The following RBMS1 variants were observed in gnomAD, a reference collection of about 807,000 sequenced individuals.
RBMS1 encodes RNA-binding motif, single-stranded-interacting protein 1.
In RBMS1, 17 loss-of-function variants were observed where a neutral mutation model predicts 62.3. The ratio of observed to expected loss-of-function variants is 0.27; its 90% CI spans 0.19 to 0.41. RBMS1 has a LOEUF of 0.41. RBMS1 is among the 10% of genes least tolerant of loss of function. The pLI, the probability that RBMS1 is intolerant of heterozygous loss-of-function variation, is 1.00. For synonymous variants in RBMS1, 172 were observed against 170.0 expected (o/e 1.01, Z -0.09); for missense variants, 334 against 504.5 (o/e 0.66, Z 3.24).
At chr2:160,384,591 G>GGA (rs1359391551) in intron 1 of RBMS1, among the ~76,000 whole-genome samples, 5 of 152,172 alleles carry the variant, frequency 3.3e-5, no homozygotes, top group African/African-American at 1.2e-4. Context: ...TCCCACCATG[G>GGA]TCACTCACTA....
intron 1 of RBMS1, among the ~76,000 whole-genome samples, chr2:160,425,066 T>G (rs1052924392): frequency 1.3e-5 from 2 of 152,188 alleles, no homozygotes; most frequent in African/African-American, 4.8e-5. Flanking sequence ...AAAAAATGAC[T>G]GCTTCCCTTC....
At chr2:160,493,251 C>T in intron 1 of RBMS1, 38 bp downstream of exon 1, 1 of 1,597,086 alleles carries the variant, frequency 6.3e-7, no homozygotes, top group Non-Finnish European at 8.6e-7. Context: ...CCCCGGGCCC[C>T]CTCCTCCGGC....
At chr2:160,302,811 A>G (rs1051251575) in intron 5 of RBMS1, 1 of 151,562 alleles carries the variant, frequency 6.6e-6, no homozygotes, top group South Asian at 2.1e-4. Context: ...TTTCTCACAA[A>G]AAAAAAAAAA....
intron 2 of RBMS1, among the ~76,000 whole-genome samples, chr2:160,331,530 G>A (rs572685451): frequency 3.0e-4 from 46 of 152,214 alleles, no homozygotes; most frequent in African/African-American, 8.2e-4. Flanking sequence ...TTTCCTCCTC[G>A]TATATGAGGC....
chr2:160,370,255 A>G (rs1350809168), intron 1 of RBMS1, among the ~76,000 whole-genome samples: 1 of 152,270 alleles, frequency 6.6e-6, no homozygotes, highest in African/African-American at 2.4e-5. Flanking sequence ...GAAAACTGAA[A>G]GAGAGAAGCG....
At chr2:160,324,381 G>A (rs982031444) in intron 2 of RBMS1, among the ~76,000 whole-genome samples, 1 of 152,198 alleles carries the variant, frequency 6.6e-6, no homozygotes, top group Non-Finnish European at 1.5e-5. Context: ...AACAGATGGC[G>A]ACAATGGTTG....
chr2:160,421,903 G>C (rs1030414984), intron 1 of RBMS1, among the ~76,000 whole-genome samples: 2 of 152,208 alleles, frequency 1.3e-5, no homozygotes, highest in Admixed American at 1.3e-4. Context: ...GGCCAGGGAT[G>C]ATGAGCATTT....
intron 1 of RBMS1, among the ~76,000 whole-genome samples, chr2:160,386,540 C>CAA (rs60611251): frequency 4.3e-5 from 6 of 138,344 alleles, no homozygotes; most frequent in Non-Finnish European, 7.8e-5. Context: ...GACTCCATCT[C>CAA]AAAAAAAAAA....
intron 5 of RBMS1, 41 bp downstream of exon 5, chr2:160,303,289 C>G (rs1689314292): frequency 1.3e-6 from 2 of 1,514,396 alleles, no homozygotes; most frequent in South Asian, 2.6e-5. Flanking sequence ...CTTGGCAAAG[C>G]TATTGTTGTT....
intron 2 of RBMS1, among the ~76,000 whole-genome samples, chr2:160,331,060 G>C (rs182994293): frequency 9.9e-5 from 15 of 152,250 alleles, no homozygotes; most frequent in Admixed American, 2.6e-4. Context: ...AAAGCTGGAA[G>C]AGGTAACGAA....
chr2:160,319,526 A>ACAAAT (rs1329895679), intron 2 of RBMS1, among the ~76,000 whole-genome samples: 1 of 152,116 alleles, frequency 6.6e-6, no homozygotes, highest in Non-Finnish European at 1.5e-5. Flanking sequence ...ACAAAACAAA[A>ACAAAT]CAAATCAAAT....
At chr2:160,285,408 C>T (rs1688329097) in intron 7 of RBMS1, among the ~76,000 whole-genome samples, 1 of 152,114 alleles carries the variant, frequency 6.6e-6, no homozygotes, top group Admixed American at 6.6e-5. Flanking sequence ...AAGCCACATG[C>T]AGCTATTTAA....
At chr2:160,484,629 G>A (rs1325095711) in intron 1 of RBMS1, among the ~76,000 whole-genome samples, 3 of 151,632 alleles carry the variant, frequency 2.0e-5, no homozygotes, top group African/African-American at 7.3e-5. Flanking sequence ...CCAGCACTTT[G>A]GGAGGCCCGG....
intron 5 of RBMS1, 137 bp from the exon 6 acceptor site, chr2:160,300,867 T>A (rs2105950304): frequency 1.0e-6 from 1 of 985,504 alleles, no homozygotes; most frequent in Non-Finnish European, 1.4e-6. Context: ...TGATAAAGGG[T>A]CTATTCTACC....
At position 160,450,500 on chromosome 2, in the gene RBMS1, A is replaced by G. The variant is rs141503363; in HGVS notation, c.75+42789T>C. ...GGCTGCAGTGAGCCAAGATTGCACC[A>G]TTGCACTCCAGGCTGGGCAACAAAA... On this transcript the variant is annotated intron_variant, in intron 1 of 13. Transcript: ENST00000348849. Among the ~76,000 whole-genome samples the G allele has an allele frequency of 9.1e-3, 1,296 of 142,976 alleles. 18 individuals carry two copies. The highest frequency in any genetic ancestry group is 0.031 in the African/African-American group (1,227 of 39,588). The allele number at this position is 142,976 out of a possible 152,430, so 93.8% of individuals were successfully genotyped here. A position where few individuals can be genotyped will look rare whatever the true frequency, so the allele number is the denominator to read the frequency against.
intron 4 of RBMS1, among the ~76,000 whole-genome samples, chr2:160,311,216 C>CTATATATCTATA (rs1245591404): frequency 3.2e-5 from 1 of 31,564 alleles, no homozygotes; most frequent in African/African-American, 8.2e-5. Context: ...AAAAATCTAT[C>CTATATATCTATA]TATCTATCTA....
intron 1 of RBMS1, among the ~76,000 whole-genome samples, chr2:160,396,888 A>ACGTGGCACTCTCTGACCGAGGTC (rs1553519568): frequency 5.9e-5 from 9 of 152,158 alleles, no homozygotes; most frequent in African/African-American, 2.2e-4. Context: ...CTGCGCATGC[A>ACGTGGCACTCTCTGACCGAGGTC]CGTGGCACTC....
chr2:160,289,246 T>C (rs1276123371), intron 6 of RBMS1, among the ~76,000 whole-genome samples: 3 of 152,238 alleles, frequency 2.0e-5, no homozygotes, highest in Admixed American at 6.5e-5. Flanking sequence ...GCTGAACCTT[T>C]CAAAAAATGA....
At chr2:160,347,020 G>GA (rs1343818673) in intron 2 of RBMS1, among the ~76,000 whole-genome samples, 4 of 151,900 alleles carry the variant, frequency 2.6e-5, no homozygotes, top group Non-Finnish European at 5.9e-5. Context: ...TATCACCAGT[G>GA]AAAAAAATAG....
Sources: gnomAD v4.1 joint callset for allele counts (sites outside exome capture counted in the v4.1 genomes callset) on GRCh38, gnomAD v4.1.1 for gene constraint, MANE v1.5 for transcripts, NCBI Gene and HGNC (gene_info 2026-07-23, HGNC 2026-07-21) for gene names.